The following FXR1 variants were observed in gnomAD, a reference collection of about 807,000 sequenced individuals.
FXR1 encodes the protein FMR1 autosomal homolog 1.
Under a neutral mutation model 84.0 loss-of-function variants are expected in FXR1, and 15 were observed. That is an observed-to-expected ratio of 0.18 (90% CI 0.12 to 0.27). The LOEUF is 0.27. Among genes scored for constraint, FXR1 ranks in the 10% least tolerant of loss-of-function variants. The pLI is 1.00. For synonymous variants in FXR1, 245 were observed against 250.7 expected, an observed-to-expected ratio of 0.98 and a Z score of 0.21; for missense variants, 480 against 774.4, an observed-to-expected ratio of 0.62 and a Z score of 4.51.
intron 1 of FXR1, chr3:180,933,072 C>T: frequency 2.5e-6 from 1 of 399,412 alleles, no homozygotes; most frequent in Non-Finnish European, 4.4e-6. Flanking sequence ...GAACTAATAC[C>T]TGAGGTGTTC....
chr3:180,967,004 A>G (rs569680963), intron 13 of FXR1, among the ~76,000 whole-genome samples: 3 of 152,316 alleles, frequency 2.0e-5, no homozygotes, highest in East Asian at 1.9e-4. Flanking sequence ...CACCATTACA[A>G]TAGTTGCAGT....
At chr3:180,933,242 AG>A in intron 1 of FXR1, 91 bp from the exon 2 acceptor site, 1 of 729,496 alleles carries the variant, frequency 1.4e-6, no homozygotes, top group Non-Finnish European at 2.4e-6. Flanking sequence ...GTGTTCTTTT[AG>A]TACTCCCTAT....
At chr3:180,912,975 C>T (rs937707176) in intron 1 of FXR1, among the ~76,000 whole-genome samples, 1 of 152,132 alleles carries the variant, frequency 6.6e-6, no homozygotes, top group African/African-American at 2.4e-5. Flanking sequence ...AGTTATGAAC[C>T]CTCTTGGTTG....
chr3:180,921,872 C>T (rs1275233953), intron 1 of FXR1, among the ~76,000 whole-genome samples: 1 of 152,068 alleles, frequency 6.6e-6, no homozygotes, highest in African/African-American at 2.4e-5. Context: ...GGGTCTCTCA[C>T]CTCCGCCTCC....
At chr3:180,927,156 A>G (rs965136570) in intron 1 of FXR1, among the ~76,000 whole-genome samples, 2 of 152,126 alleles carry the variant, frequency 1.3e-5, no homozygotes, top group African/African-American at 4.8e-5. Flanking sequence ...CATTACTACC[A>G]GACTCAATCT....
chr3:180,976,070 A>C, intron 16 of FXR1, 52 bp from the exon 17 acceptor site: 1 of 1,428,662 alleles, frequency 7.0e-7, no homozygotes, highest in Non-Finnish European at 9.6e-7. Context: ...TTTCCTCCTC[A>C]GCTATAGATT....
intron 13 of FXR1, 66 bp downstream of exon 13, chr3:180,963,156 C>A: frequency 1.5e-6 from 1 of 680,894 alleles, no homozygotes; most frequent in South Asian, 1.8e-5. Flanking sequence ...TTTAGGTGCT[C>A]TAACACATTT....
At chr3:180,912,777 T>A in intron 1 of FXR1, 41 bp downstream of exon 1, 1 of 1,613,746 alleles carries the variant, frequency 6.2e-7, no homozygotes, top group South Asian at 1.1e-5. Flanking sequence ...TTCTGGGTGC[T>A]GGAGCGCGTT....
At chr3:180,924,743 C>T (rs1303420931) in intron 1 of FXR1, among the ~76,000 whole-genome samples, 1 of 152,102 alleles carries the variant, frequency 6.6e-6, no homozygotes, top group Non-Finnish European at 1.5e-5. Context: ...CCACCTGCCT[C>T]GGCCTCCCAA....
At chr3:180,933,479 A>C (rs1309086190) in intron 2 of FXR1, 93 bp downstream of exon 2, 8 of 740,360 alleles carry the variant, frequency 1.1e-5, no homozygotes, top group Non-Finnish European at 2.0e-5. Flanking sequence ...TGGAAAAATG[A>C]TTTTGCTTTT....
intron 1 of FXR1, among the ~76,000 whole-genome samples, chr3:180,926,506 A>ATATATTTTTTTTTTTTTTTTTT (rs72192827): frequency 8.0e-6 from 1 of 124,394 alleles, no homozygotes; most frequent in African/African-American, 2.9e-5. Flanking sequence ...ATATATATAT[A>ATATATTTTTTTTTTTTTTTTTT]TTTTTTTTTC....
At chr3:180,971,257 A>G (rs368393645) in intron 15 of FXR1, 1 of 241,316 alleles carries the variant, frequency 4.1e-6, no homozygotes, top group African/African-American at 2.3e-5. Flanking sequence ...ACATGTGTGC[A>G]TATACATTCA....
intron 1 of FXR1, among the ~76,000 whole-genome samples, chr3:180,920,110 G>A (rs1718396963): frequency 1.3e-5 from 2 of 152,140 alleles, no homozygotes; most frequent in South Asian, 4.1e-4. Flanking sequence ...GTTGGCAAAG[G>A]GATGCGCTCC....
At chr3:180,949,705 C>G (rs537465386) in intron 7 of FXR1, among the ~76,000 whole-genome samples, 47 of 152,290 alleles carry the variant, frequency 3.1e-4, no homozygotes, top group African/African-American at 1.0e-3. Flanking sequence ...TTATATTTTT[C>G]AAGTTCCTTG....
At position 180,979,060 on chromosome 3, in the gene FXR1, CT is replaced by C. The variant is rs1399823404; in HGVS notation, c.*2770del. 1 of 152,124 alleles carries C rather than the reference CT, an allele frequency of 6.6e-6. No homozygotes were observed. Among genetic ancestry groups the C allele is most frequent in the Non-Finnish European group, 1.5e-5 (1 of 67,978 alleles). The allele number at this position is 152,124 out of a possible 1,614,324, so 9.4% of individuals were successfully genotyped here. A position where few individuals can be genotyped will look rare whatever the true frequency, so the allele number is the denominator to read the frequency against. Reference sequence around the variant, plus strand: ...CATCAAACTGGTGAGTTCACAGAAACTTACCTGAGATGATGCTGGGTTCCAT... The same window carrying C: ...CATCAAACTGGTGAGTTCACAGAAACTACCTGAGATGATGCTGGGTTCCAT... On this transcript the variant is annotated 3_prime_UTR_variant, in exon 17 of 17. Transcript: ENST00000357559.
At chr3:180,966,343 GA>G (rs1712829975) in intron 13 of FXR1, among the ~76,000 whole-genome samples, 1 of 152,150 alleles carries the variant, frequency 6.6e-6, no homozygotes, top group Non-Finnish European at 1.5e-5. Flanking sequence ...ACCATGTAGA[GA>G]AAAGGTAGGC....
At chr3:180,933,495 G>GT in intron 2 of FXR1, 109 bp downstream of exon 2, 1 of 700,778 alleles carries the variant, frequency 1.4e-6, no homozygotes, top group Non-Finnish European at 2.6e-6. Flanking sequence ...CTTTTAGGGA[G>GT]TGGGGAGGTT....
chr3:180,937,798 T>G (rs1720696147), intron 3 of FXR1, among the ~76,000 whole-genome samples: 1 of 152,116 alleles, frequency 6.6e-6, no homozygotes, highest in South Asian at 2.1e-4. Flanking sequence ...TTCTTTAAAT[T>G]TAAAGTAATA....
intron 13 of FXR1, among the ~76,000 whole-genome samples, chr3:180,964,541 A>C (rs946266868): frequency 5.3e-5 from 8 of 152,090 alleles, no homozygotes; most frequent in African/African-American, 1.9e-4. Context: ...TCTGAATCTT[A>C]GTGGAATTGA....
Sources: allele counts gnomAD v4.1 joint callset (sites outside exome capture counted in the v4.1 genomes callset), GRCh38; gene constraint gnomAD v4.1.1; transcripts MANE v1.5; gene names NCBI Gene and HGNC (gene_info 2026-07-23, HGNC 2026-07-21).